AGO3: variants seen among roughly 807,000 people sequenced by gnomAD.
The protein encoded by AGO3 is argonaute RISC catalytic component 3.
In AGO3, 16 loss-of-function variants were observed where a neutral mutation model predicts 105.5. The observed-to-expected ratio is 0.15, with a 90% CI of 0.10 to 0.23. The LOEUF (loss-of-function observed/expected upper bound fraction) is 0.23, where lower values mean the gene tolerates loss of function less well. Ranked by LOEUF, AGO3 falls within the 10% of genes least tolerant of loss-of-function variation. The pLI is 1.00. For missense variants in AGO3, 534 were observed against 1,088.0 expected (o/e 0.49, Z 7.16); for synonymous variants, 340 against 367.3 (o/e 0.93, Z 0.85).
At position 36,066,750 on chromosome 1, in the gene AGO3, G is replaced by A. The variant is rs1054448737; in HGVS notation, c.*11005G>A. The A allele has an allele frequency of 2.6e-5, 4 of 152,172 alleles. No individual in the cohort carries two copies. Among genetic ancestry groups the A allele is most frequent in the African/African-American group, 9.7e-5 (4 of 41,436 alleles). The allele number at this position is 152,172 out of a possible 1,614,324, so 9.4% of individuals were successfully genotyped here. ...TTGCATACGTGACTCTTTATTGTCA[G>A]AATCTGTAGAAACTGGAGGTCTTTG... is the stretch of plus-strand genomic sequence containing the variant. On this transcript the variant is annotated 3_prime_UTR_variant, in exon 19 of 19. Coordinates refer to ENST00000373191, the MANE Select transcript of AGO3 (RefSeq NM_024852.4).
intron 5 of AGO3, among the ~76,000 whole-genome samples, chr1:35,981,086 C>T (rs989436032): frequency 6.6e-6 from 1 of 152,140 alleles, no homozygotes; most frequent in Non-Finnish European, 1.5e-5. Flanking sequence ...AATTTCTCCT[C>T]TGAACTTTTT....
At chr1:35,984,939 C>G (rs1405973115) in intron 5 of AGO3, among the ~76,000 whole-genome samples, 1 of 151,606 alleles carries the variant, frequency 6.6e-6, no homozygotes, top group Admixed American at 6.6e-5. Context: ...ATTGAAAGAT[C>G]TAAGAAAATT....
intron 6 of AGO3, among the ~76,000 whole-genome samples, chr1:36,006,973 T>G (rs1288312887): frequency 6.6e-6 from 1 of 152,238 alleles, no homozygotes. Flanking sequence ...ATTCTCAACC[T>G]TAGCAGCATT....
At chr1:36,030,323 G>A (rs114689820) in intron 12 of AGO3, among the ~76,000 whole-genome samples, 2,314 of 151,842 alleles carry the variant, frequency 0.015, 48 homozygotes, top group African/African-American at 0.053. Context: ...GCAACATGGC[G>A]AAACCTCATA....
chr1:36,007,878 C>A (rs1353983800), intron 6 of AGO3, among the ~76,000 whole-genome samples: 8 of 152,180 alleles, frequency 5.3e-5, no homozygotes, highest in Admixed American at 3.9e-4. Context: ...CTTCAGCCAA[C>A]AGCTTAAAGC....
intron 17 of AGO3, among the ~76,000 whole-genome samples, chr1:36,053,080 A>G (rs1642782578): frequency 1.3e-5 from 2 of 152,226 alleles, no homozygotes; most frequent in African/African-American, 4.8e-5. Context: ...AAAATCACAG[A>G]GGAGAAAGAT....
chr1:36,055,784 A>G lies in AGO3; in HGVS notation c.*39A>G. 1.3e-6 allele frequency: 2 copies of G among 1,594,724 alleles called. No homozygotes were observed. The highest frequency in any genetic ancestry group is 1.7e-6 in the Non-Finnish European group (2 of 1,162,914). On this transcript the variant is annotated 3_prime_UTR_variant, in exon 19 of 19. Transcript: ENST00000373191. This position sits in a 1 kb window ranked among gnomAD's most constrained non-coding sequence, Gnocchi z 4.4. The stretch of plus-strand genomic sequence containing the variant: ...ATTCTCTGAGAGGAAGTACTGAAAG[A>G]TGAATTGACATACAACGTATGTTTC...
At chr1:35,986,981 G>A (rs1269793667) in intron 5 of AGO3, among the ~76,000 whole-genome samples, 18 of 141,204 alleles carry the variant, frequency 1.3e-4, no homozygotes, top group African/African-American at 2.4e-4. Flanking sequence ...GGGCGACAGA[G>A]TAAGACTCCG....
At chr1:36,034,375 C>T (rs1161940036) in intron 13 of AGO3, 42 bp downstream of exon 13, 2 of 1,449,560 alleles carry the variant, frequency 1.4e-6, no homozygotes, top group Non-Finnish European at 1.9e-6. Context: ...ATTTTTATAT[C>T]TTCATTTGTC....
intron 1 of AGO3, among the ~76,000 whole-genome samples, chr1:35,934,702 GTGCAGTGGCA>G (rs1246929766): frequency 6.6e-6 from 1 of 151,994 alleles, no homozygotes; most frequent in Non-Finnish European, 1.5e-5. Flanking sequence ...CTAGGCTGGA[GTGCAGTGGCA>G]TGATATTGGC....
chr1:35,933,602 A>G (rs1262754867), intron 1 of AGO3, among the ~76,000 whole-genome samples: 1 of 136,122 alleles, frequency 7.3e-6, no homozygotes, highest in Non-Finnish European at 1.5e-5. Flanking sequence ...TGATCGCGCC[A>G]CTAACTCCAG....
chr1:36,049,903 A>T (rs1388912438), intron 17 of AGO3, among the ~76,000 whole-genome samples: 5 of 152,252 alleles, frequency 3.3e-5, no homozygotes, highest in Non-Finnish European at 7.3e-5. Context: ...TGGAGCATCC[A>T]GATATATAAT....
chr1:35,976,027 C>G (rs1646952036), intron 5 of AGO3, among the ~76,000 whole-genome samples: 1 of 151,790 alleles, frequency 6.6e-6, no homozygotes, highest in South Asian at 2.1e-4. Flanking sequence ...CCTCCGCCTC[C>G]CAGGTTCAAG....
intron 12 of AGO3, among the ~76,000 whole-genome samples, chr1:36,028,223 A>AT (rs372394811): frequency 6.6e-6 from 1 of 150,676 alleles, no homozygotes; most frequent in African/African-American, 2.4e-5. Context: ...TTATTTTTTT[A>AT]TTTTTTTTGT....
At chr1:35,938,178 A>G (rs909124222) in intron 1 of AGO3, among the ~76,000 whole-genome samples, 71 of 151,932 alleles carry the variant, frequency 4.7e-4, no homozygotes, top group African/African-American at 1.6e-3. Flanking sequence ...ATGGGGTTTC[A>G]CCATGTTAGT....
At chr1:35,983,469 A>C (rs904046468) in intron 5 of AGO3, 3 of 151,620 alleles carry the variant, frequency 2.0e-5, no homozygotes, top group Non-Finnish European at 2.9e-5. Flanking sequence ...GCGTACTTGT[A>C]GTCCCAGCTG....
intron 2 of AGO3, among the ~76,000 whole-genome samples, chr1:35,953,748 G>A (rs927837117): frequency 2.6e-5 from 4 of 151,982 alleles, no homozygotes; most frequent in South Asian, 2.1e-4. Context: ...CTGACCTCAG[G>A]TGATTCACCC....
chr1:36,042,549 C>A (rs1007368816), intron 16 of AGO3, among the ~76,000 whole-genome samples: 1 of 152,122 alleles, frequency 6.6e-6, no homozygotes, highest in African/African-American at 2.4e-5. Context: ...CAAGGTACTA[C>A]CTTATAACAG....
chr1:36,056,582 A>G lies in AGO3; in HGVS notation c.*837A>G, dbSNP rs960303702. ...AAATTTTATATATATATGTATACAT[A>G]CATACACAGACACAGACACACACAT... is the stretch of plus-strand genomic sequence containing the variant. On this transcript the variant is annotated 3_prime_UTR_variant, in exon 19 of 19. Transcript: ENST00000373191. 1 of 152,136 alleles carries G rather than the reference A, an allele frequency of 6.6e-6. No individual in the cohort carries two copies. Among genetic ancestry groups the G allele is most frequent in the Non-Finnish European group, 1.5e-5 (1 of 68,040 alleles). 9.4% of individuals were successfully genotyped at this position (152,136 alleles called of 1,614,324 possible). A position where few individuals can be genotyped will look rare whatever the true frequency, so the allele number is the denominator to read the frequency against.
Sources: allele counts gnomAD v4.1 joint callset (sites outside exome capture counted in the v4.1 genomes callset), GRCh38; gene constraint gnomAD v4.1.1; non-coding constraint Gnocchi (gnomAD v3.1); transcripts MANE v1.5; gene names NCBI Gene and HGNC (gene_info 2026-07-23, HGNC 2026-07-21).